The following TSC22D2 variants were observed in gnomAD, a reference collection of about 807,000 sequenced individuals.
TSC22D2 encodes TSC22 domain family member 2.
In TSC22D2, 5 loss-of-function variants were observed where a neutral mutation model predicts 50.1. The observed-to-expected ratio is 0.10, with a 90% confidence interval of 0.05 to 0.21. The LOEUF is 0.21. Among genes scored for constraint, TSC22D2 ranks in the 10% least tolerant of loss-of-function variants. The pLI is 1.00. For missense variants in TSC22D2, 1,003 were observed against 1,015.5 expected (o/e 0.99, Z 0.17); for synonymous variants, 501 against 450.1 (o/e 1.11, Z -1.43).
At chr3:150,445,356 A>AATG (rs1720849737) in intron 1 of TSC22D2, among the ~76,000 whole-genome samples, 1 of 139,088 alleles carries the variant, frequency 7.2e-6, no homozygotes, top group African/African-American at 2.6e-5. Flanking sequence ...TAATAATAAT[A>AATG]ATAAGCCTTG....
chr3:150,415,378 A>G (rs1373226787), intron 1 of TSC22D2, among the ~76,000 whole-genome samples: 1 of 152,236 alleles, frequency 6.6e-6, no homozygotes, highest in Non-Finnish European at 1.5e-5. Context: ...CTATTTTAGT[A>G]ACACTTGTTT....
At chr3:150,420,199 T>C (rs1001097355) in intron 1 of TSC22D2, among the ~76,000 whole-genome samples, 8 of 152,204 alleles carry the variant, frequency 5.3e-5, no homozygotes, top group Non-Finnish European at 1.0e-4. Context: ...TACAGATGGC[T>C]CTTTTCCCTT....
At chr3:150,435,757 A>G (rs2108083884) in intron 1 of TSC22D2, among the ~76,000 whole-genome samples, 1 of 152,306 alleles carries the variant, frequency 6.6e-6, no homozygotes, top group South Asian at 2.1e-4. Flanking sequence ...TTACTTGGAA[A>G]TTATAAATCA....
intron 1 of TSC22D2, 63 bp from the exon 2 acceptor site, chr3:150,457,013 C>CT (rs1249472874): frequency 7.1e-7 from 1 of 1,416,546 alleles, no homozygotes; most frequent in African/African-American, 1.4e-5. Flanking sequence ...CTTTTACATT[C>CT]TTTTAAGAGT....
At chr3:150,430,269 C>T (rs988171098) in intron 1 of TSC22D2, among the ~76,000 whole-genome samples, 4 of 152,060 alleles carry the variant, frequency 2.6e-5, no homozygotes, top group African/African-American at 9.7e-5. Context: ...TTGTGCACCA[C>T]TATGGAAGTA....
At chr3:150,440,633 C>T (rs1720684970) in intron 1 of TSC22D2, among the ~76,000 whole-genome samples, 1 of 151,040 alleles carries the variant, frequency 6.6e-6, no homozygotes, top group Non-Finnish European at 1.5e-5. Flanking sequence ...TTATTAAATG[C>T]TATGTGAGAG....
At chr3:150,457,275 T>G in intron 2 of TSC22D2, 148 bp downstream of exon 2, 1 of 749,114 alleles carries the variant, frequency 1.3e-6, no homozygotes. Context: ...TTGAAGATGC[T>G]AGAACGTTGA....
intron 1 of TSC22D2, among the ~76,000 whole-genome samples, chr3:150,433,187 G>T (rs1720433123): frequency 6.6e-6 from 1 of 152,216 alleles, no homozygotes; most frequent in Non-Finnish European, 1.5e-5. Context: ...AAAGTTTGAA[G>T]ATTGTTGGTT....
rs919761501 is a variant in TSC22D2 at position 150,458,789 on chromosome 3, C to T, written c.*153C>T. On this transcript the variant is annotated 3_prime_UTR_variant, in exon 3 of 3. Coordinates refer to ENST00000688009, the MANE Select transcript of TSC22D2 (RefSeq NM_001303264.2). Reference sequence around the variant, plus strand: ...AGACAATCATTCTACAAGAGCTTTTCCTCTCTCTGAGATGTCATGCAGCGC... The same window carrying T: ...AGACAATCATTCTACAAGAGCTTTTTCTCTCTCTGAGATGTCATGCAGCGC... 9 of 954,686 alleles carry T rather than the reference C, an allele frequency of 9.4e-6. No homozygotes were observed. The highest frequency in any genetic ancestry group is 5.0e-5 in the African/African-American group (3 of 60,008). The allele number at this position is 954,686 out of a possible 1,614,324, so 59.1% of individuals were successfully genotyped here.
chr3:150,413,760 G>GT (rs1175526608), intron 1 of TSC22D2, among the ~76,000 whole-genome samples: 1 of 151,930 alleles, frequency 6.6e-6, no homozygotes, highest in Non-Finnish European at 1.5e-5. Context: ...AAATCTGCAT[G>GT]TTTTCAAATT....
chr3:150,458,584 A>G lies in TSC22D2; in HGVS notation c.2219A>G (p.Gln740Arg), dbSNP rs1281226727. The change falls in exon 3 of 3, where the codon CAG (glutamine) becomes CGG (arginine). Residue 740 changes from glutamine (Q) to arginine (R), a missense_variant. Gln to Arg is a conservative substitution (Grantham distance 43). Coordinates refer to ENST00000688009, the MANE Select transcript of TSC22D2 (RefSeq NM_001303264.2). ...STSQQQAVIA[Q>R]PPQPTQPPQQ... is the part of the protein sequence containing the mutation. ...TCTCAACAGCAAGCAGTGATAGCAC[A>G]GCCTCCGCAGCCAACGCAACCTCCA... is the stretch of plus-strand genomic sequence containing the variant. 1 of 1,614,026 alleles carries G rather than the reference A, an allele frequency of 6.2e-7. No individual in the cohort carries two copies. Among genetic ancestry groups the G allele is most frequent in the African/African-American group, 1.3e-5 (1 of 74,924 alleles).
chr3:150,435,581 A>G (rs993984433), intron 1 of TSC22D2, among the ~76,000 whole-genome samples: 1 of 152,182 alleles, frequency 6.6e-6, no homozygotes, highest in Non-Finnish European at 1.5e-5. Flanking sequence ...ATCTGGCTAT[A>G]TTAGTGGGTA....
chr3:150,424,692 G>T (rs1720122368), intron 1 of TSC22D2, among the ~76,000 whole-genome samples: 1 of 152,074 alleles, frequency 6.6e-6, no homozygotes, highest in Non-Finnish European at 1.5e-5. Flanking sequence ...GTTTCTCATG[G>T]GTTGAAAATA....
At position 150,410,087 on chromosome 3, in the gene TSC22D2, T is replaced by G; in HGVS notation, c.737T>G (p.Leu246Trp). The G allele has an allele frequency of 6.2e-7, 1 of 1,612,850 alleles. No homozygotes were observed. Among genetic ancestry groups the G allele is most frequent in the Non-Finnish European group, 8.5e-7 (1 of 1,179,980 alleles). ...CCCGAGTCGGGAACTGACAGCTCCT[T>G]GACTGCTGTGTCACAGCTACCCCCG... ...HGPESGTDSS[L>W]TAVSQLPPSE... Residue 246 changes from leucine to tryptophan, a missense_variant, in exon 1 of 3, where the codon TTG becomes TGG. This residue lies in a region of TSC22D2 where 696 missense variants were observed against 647.8 expected (regional missense o/e 1.07). Coordinates refer to ENST00000688009, the MANE Select transcript of TSC22D2 (RefSeq NM_001303264.2).
intron 1 of TSC22D2, among the ~76,000 whole-genome samples, chr3:150,413,475 C>A (rs1341356873): frequency 6.6e-6 from 1 of 151,084 alleles, no homozygotes. Flanking sequence ...TGTAATCTTA[C>A]ACATTTGACT....
At chr3:150,432,224 T>C (rs1182409324) in intron 1 of TSC22D2, among the ~76,000 whole-genome samples, 2 of 152,174 alleles carry the variant, frequency 1.3e-5, no homozygotes, top group Non-Finnish European at 2.9e-5. Flanking sequence ...CACCCACCAT[T>C]ATATATGCTT....
chr3:150,438,901 A>T (rs966910724), intron 1 of TSC22D2, among the ~76,000 whole-genome samples: 1 of 152,130 alleles, frequency 6.6e-6, no homozygotes, highest in African/African-American at 2.4e-5. Flanking sequence ...ATTAGAAGTC[A>T]TTGCACATTT....
intron 1 of TSC22D2, among the ~76,000 whole-genome samples, chr3:150,448,588 CTTTG>C (rs1259391330): frequency 3.3e-5 from 5 of 152,074 alleles, no homozygotes; most frequent in Admixed American, 6.5e-5. Flanking sequence ...ATTAATTAAA[CTTTG>C]TTTGGAATAT....
At chr3:150,427,560 T>C (rs1336746415) in intron 1 of TSC22D2, among the ~76,000 whole-genome samples, 1 of 152,184 alleles carries the variant, frequency 6.6e-6, no homozygotes, top group East Asian at 1.9e-4. Flanking sequence ...CTAGTGATTA[T>C]GCATAAGTAT....
Sources: gnomAD v4.1 joint callset for allele counts (sites outside exome capture counted in the v4.1 genomes callset) on GRCh38, gnomAD v4.1.1 for gene constraint, gnomAD v4.1.1 regional missense constraint, MANE v1.5 for transcripts, NCBI Gene and HGNC (gene_info 2026-07-23, HGNC 2026-07-21) for gene names.